The following NPAS3 variants were observed in gnomAD, a reference collection of about 807,000 sequenced individuals.
NPAS3 encodes neuronal PAS domain-containing protein 3.
Under a neutral mutation model 73.1 loss-of-function variants are expected in NPAS3, and 14 were observed. The ratio of observed to expected loss-of-function variants is 0.19; its 90% CI spans 0.13 to 0.30. NPAS3 has a LOEUF of 0.30. NPAS3 is among the 10% of genes least tolerant of loss of function. The pLI, the probability that NPAS3 is intolerant of heterozygous loss-of-function variation, is 1.00. For missense variants in NPAS3, 1,096 were observed against 1,250.0 expected (o/e 0.88, Z 1.86); for synonymous variants, 620 against 541.5 (o/e 1.14, Z -2.01).
At chr14:32,985,263 T>G (rs539574354) in intron 1 of NPAS3, among the ~76,000 whole-genome samples, 1 of 152,312 alleles carries the variant, frequency 6.6e-6, no homozygotes, top group South Asian at 2.1e-4. Flanking sequence ...TGGTGTCTCA[T>G]TTTTAATTTA....
Position 32,994,630 on chromosome 14 carries a change from G to GTTTTTTTTTT in NPAS3, c.50+55269_50+55270insTTTTTTTTTT, listed in dbSNP as rs777136450. Among the ~76,000 whole-genome samples the GTTTTTTTTTT allele has an allele frequency of 1.4e-4, 17 of 123,592 alleles. 1 individual carries two copies. The highest frequency in any genetic ancestry group is 4.9e-4 in the South Asian group (2 of 4,044). 81.1% of individuals were successfully genotyped at this position (123,592 alleles called of 152,430 possible). ...ATTCTAGTTTTTTGTTTGTTTGTTTGTTTTTGTTTTTTTTTTTTTGAGACA... is the reference window on the plus strand; with the variant it reads ...ATTCTAGTTTTTTGTTTGTTTGTTTGTTTTTTTTTTTTTTTGTTTTTTTTTTTTTGAGACA... On this transcript the variant is annotated intron_variant, in intron 1 of 11. Coordinates refer to ENST00000356141, the Ensembl canonical transcript of NPAS3.
In NPAS3 at chr14:33,540,149, C is replaced by T. The variant is rs1030069378; in HGVS notation, c.469-19972C>T. On this transcript the variant is annotated intron_variant, in intron 4 of 11. Transcript: ENST00000356141. ...TTCTATGTTTAGCTTGAATAATTAC[C>T]AAACTGTTTGTAATGAGAATGTGAG... Among the ~76,000 whole-genome samples the T allele has an allele frequency of 6.6e-5, 10 of 152,130 alleles. No individual in the cohort carries two copies. In the South Asian group the frequency reaches 2.1e-3, roughly 32 times the overall value.
chr14:33,523,243 G>A (rs2053636947), intron 4 of NPAS3, among the ~76,000 whole-genome samples: 1 of 152,126 alleles, frequency 6.6e-6, no homozygotes, highest in South Asian at 2.1e-4. Context: ...CTTCAGGAAT[G>A]AGCTGGACTG....
At chr14:33,677,172 G>C (rs889737394) in intron 6 of NPAS3, among the ~76,000 whole-genome samples, 1 of 152,190 alleles carries the variant, frequency 6.6e-6, no homozygotes, top group Non-Finnish European at 1.5e-5. Context: ...TTCCGAGAGC[G>C]CTGGTAATTA....
intron 7 of NPAS3, among the ~76,000 whole-genome samples, chr14:33,769,162 G>A (rs918236920): frequency 7.9e-5 from 12 of 152,096 alleles, no homozygotes; most frequent in African/African-American, 2.9e-4. Context: ...GCACTCTTAT[G>A]TATGTTTTCT....
At chr14:33,331,252 T>C (rs2043972162) in intron 3 of NPAS3, among the ~76,000 whole-genome samples, 1 of 152,180 alleles carries the variant, frequency 6.6e-6, no homozygotes, top group Admixed American at 6.5e-5. Flanking sequence ...AAACTTCAAC[T>C]ATCTGGAACT....
chr14:32,939,720 A>T (rs1355897701), intron 1 of NPAS3, among the ~76,000 whole-genome samples: 1 of 142,996 alleles, frequency 7.0e-6, no homozygotes, highest in African/African-American at 2.6e-5. Context: ...AGCAGCAGCG[A>T]GGGTGGGGGG....
At chr14:33,233,095 C>A (rs1447614342) in intron 3 of NPAS3, among the ~76,000 whole-genome samples, 1 of 152,116 alleles carries the variant, frequency 6.6e-6, no homozygotes, top group Admixed American at 6.5e-5. Context: ...CAAATGATGA[C>A]AAATCAAATT....
chr14:33,255,704 C>G (rs796398812), intron 3 of NPAS3, among the ~76,000 whole-genome samples: 2 of 152,146 alleles, frequency 1.3e-5, no homozygotes, highest in African/African-American at 2.4e-5. Flanking sequence ...GATGGTATAG[C>G]CTTAGTCTTG....
At chr14:33,280,244 G>A (rs1342322970) in intron 3 of NPAS3, among the ~76,000 whole-genome samples, 4 of 152,022 alleles carry the variant, frequency 2.6e-5, no homozygotes. Flanking sequence ...CTCCTTTTGG[G>A]TGACAAATTG....
chr14:33,721,257 G>T (rs574062491), intron 6 of NPAS3, among the ~76,000 whole-genome samples: 1 of 152,232 alleles, frequency 6.6e-6, no homozygotes, highest in Admixed American at 6.5e-5. Flanking sequence ...TATCTTACCT[G>T]GTCGGGGAGA....
intron 4 of NPAS3, among the ~76,000 whole-genome samples, chr14:33,518,592 ATTTTTTTTT>A (rs71433619): frequency 7.8e-6 from 1 of 128,828 alleles, no homozygotes; most frequent in African/African-American, 2.9e-5. Context: ...GACATCAAGG[ATTTTTTTTT>A]TTTTTTTTTG....
In NPAS3 at chr14:33,206,234, A is replaced by G. The variant is rs2046818634; in HGVS notation, c.141-8948A>G. 2.0e-5 allele frequency among the ~76,000 whole-genome samples: 3 copies of G among 152,160 alleles called. No individual in the cohort carries two copies. The South Asian group carries it at 6.2e-4, about 32-fold the overall frequency. On this transcript the variant is annotated intron_variant, in intron 2 of 11. Coordinates refer to ENST00000356141, the Ensembl canonical transcript of NPAS3. ...GCAATATTGCACATTAGTGATAAGG[A>G]CTTGAGTTATCTGGCCAAGGTTCAA...
At chr14:32,964,761 G>GAAGCTGGGTTC (rs2037078688) in intron 1 of NPAS3, among the ~76,000 whole-genome samples, 1 of 151,776 alleles carries the variant, frequency 6.6e-6, no homozygotes, top group Non-Finnish European at 1.5e-5. Context: ...AGGATTGCCT[G>GAAGCTGGGTTC]AAGCTGGGTT....
In NPAS3 at chr14:33,139,943, A is replaced by ATT. The variant is rs34900907; in HGVS notation, c.141-75230_141-75229dup. Among the ~76,000 whole-genome samples, 172 of 150,176 alleles carry ATT rather than the reference A, an allele frequency of 1.1e-3. 1 individual carries two copies. The South Asian group carries it at 0.013, about 11-fold the overall frequency. On this transcript the variant is annotated intron_variant, in intron 2 of 11. Coordinates refer to ENST00000356141, the Ensembl canonical transcript of NPAS3. ...AGTCCTATAATATTCTGCCTGCATG[A>ATT]TTTTTTTTTTCAAGAGAAAGAGTTG...
intron 6 of NPAS3, among the ~76,000 whole-genome samples, chr14:33,691,078 T>C (rs1434153666): frequency 6.6e-6 from 1 of 152,206 alleles, no homozygotes; most frequent in East Asian, 1.9e-4. Context: ...CCATCAATCC[T>C]ACATGGTTTT....
intron 4 of NPAS3, among the ~76,000 whole-genome samples, chr14:33,497,088 C>A (rs565442237): frequency 6.6e-6 from 1 of 152,228 alleles, no homozygotes; most frequent in Admixed American, 6.5e-5. Flanking sequence ...TGAGTGAACT[C>A]CCATTCACAA....
chr14:33,412,780 T>C (rs1346049295), intron 4 of NPAS3, among the ~76,000 whole-genome samples: 1 of 152,178 alleles, frequency 6.6e-6, no homozygotes, highest in Non-Finnish European at 1.5e-5. Context: ...CATACAGTCA[T>C]GAGCATTAAA....
At chr14:33,605,524 G>A (rs534037530) in intron 5 of NPAS3, among the ~76,000 whole-genome samples, 2 of 151,180 alleles carry the variant, frequency 1.3e-5, no homozygotes, top group South Asian at 4.2e-4. Context: ...ACTAATAAAT[G>A]AATTTAGCAA....
Sources: gnomAD v4.1 joint callset for allele counts (sites outside exome capture counted in the v4.1 genomes callset) on GRCh38, gnomAD v4.1.1 for gene constraint, MANE v1.5 for transcripts, NCBI Gene and HGNC (gene_info 2026-07-23, HGNC 2026-07-21) for gene names.